HELZ: variants seen among roughly 807,000 people sequenced by gnomAD.
HELZ encodes helicase with zinc finger, also known as ATP-dependent RNA helicase with zinc finger domain.
HELZ carries 23 observed loss-of-function variants against 218.2 expected under a neutral mutation model. The observed-to-expected ratio is 0.11, with a 90% CI of 0.08 to 0.15. HELZ has a LOEUF of 0.15. Among genes scored for constraint, HELZ ranks in the 10% least tolerant of loss-of-function variants. The pLI, the probability that HELZ is intolerant of heterozygous loss-of-function variation, is 1.00. For missense variants in HELZ, 1,813 were observed against 2,353.7 expected (o/e 0.77, Z 4.75); for synonymous variants, 814 against 829.4 (o/e 0.98, Z 0.32).
At chr17:67,160,154 T>G (rs943091021) in intron 17 of HELZ, 107 bp downstream of exon 17, 18 of 680,930 alleles carry the variant, frequency 2.6e-5, no homozygotes, top group African/African-American at 2.6e-4. Flanking sequence ...TAAATGTCAA[T>G]GCATAAAGAC....
chr17:67,128,382 G>A, intron 24 of HELZ: 1 of 452,900 alleles, frequency 2.2e-6, no homozygotes, highest in Non-Finnish European at 4.0e-6. Context: ...TCAGTAGAGA[G>A]GATTAGAAGG....
chr17:67,137,393 T>A (rs2038187073), intron 22 of HELZ, among the ~76,000 whole-genome samples: 1 of 152,234 alleles, frequency 6.6e-6, no homozygotes, highest in Non-Finnish European at 1.5e-5. Flanking sequence ...AACTATTTTT[T>A]GCCCATGCTC....
chr17:67,089,698 G>GAGAGAGAC (rs1379133150), intron 31 of HELZ, among the ~76,000 whole-genome samples: 4 of 139,506 alleles, frequency 2.9e-5, no homozygotes, highest in African/African-American at 8.4e-5. Flanking sequence ...GAGAGAGAGA[G>GAGAGAGAC]AGACAGAGAG....
chr17:67,117,469 G>C (rs2037461585), intron 27 of HELZ, among the ~76,000 whole-genome samples: 1 of 151,478 alleles, frequency 6.6e-6, no homozygotes, highest in Non-Finnish European at 1.5e-5. Context: ...TATTACTGAA[G>C]AGAAAAATTA....
Position 67,089,694 on chromosome 17 carries a change from G to GAGAGAC in HELZ, c.5242-2614_5242-2613insGTCTCT, listed in dbSNP as rs1555595478. Among the ~76,000 whole-genome samples, 372 of 100,656 alleles carry GAGAGAC rather than the reference G, an allele frequency of 3.7e-3. 4 individuals are homozygous for GAGAGAC. Among genetic ancestry groups the GAGAGAC allele is most frequent in the East Asian group, 0.018 (40 of 2,218 alleles). The allele number at this position is 100,656 out of a possible 152,430, so 66.0% of individuals were successfully genotyped here. On this transcript the variant is annotated intron_variant, in intron 31 of 32. Coordinates refer to ENST00000358691, the MANE Select transcript of HELZ (RefSeq NM_014877.4). Reference sequence around the variant, plus strand: ...AGAGAGAGAGAGAGAGAGAGAGAGAGAGAGAGACAGAGAGACAGAGAGAGA... The same window carrying GAGAGAC: ...AGAGAGAGAGAGAGAGAGAGAGAGAGAGAGACAGAGAGACAGAGAGACAGAGAGAGA...
At chr17:67,155,395 G>C (rs896378975) in intron 17 of HELZ, among the ~76,000 whole-genome samples, 1 of 152,220 alleles carries the variant, frequency 6.6e-6, no homozygotes, top group South Asian at 2.1e-4. Context: ...GTTGTGGCAG[G>C]TATTTACAGG....
chr17:67,072,468 G>A lies in HELZ; in HGVS notation c.*5784C>T, dbSNP rs1427719806. Reference sequence around the variant, plus strand: ...CGATACATGCTAGGTGCACTCTCATGGCATTCTGATGGCTTCTTTCCAGGA... The same window carrying A: ...CGATACATGCTAGGTGCACTCTCATAGCATTCTGATGGCTTCTTTCCAGGA... On this transcript the variant is annotated 3_prime_UTR_variant, in exon 33 of 33. Transcript: ENST00000358691. 1 of 152,680 alleles carries A rather than the reference G, an allele frequency of 6.5e-6. No homozygotes were observed. Among genetic ancestry groups the A allele is most frequent in the East Asian group, 1.9e-4 (1 of 5,194 alleles). The allele number at this position is 152,680 out of a possible 1,614,324, so 9.5% of individuals were successfully genotyped here.
chr17:67,179,170 C>T (rs1455228870), intron 12 of HELZ, among the ~76,000 whole-genome samples: 1 of 151,756 alleles, frequency 6.6e-6, no homozygotes, highest in Non-Finnish European at 1.5e-5. Flanking sequence ...CAGGCTAGGA[C>T]ATACTAGAAA....
At chr17:67,142,957 C>A (rs1322086157) in intron 21 of HELZ, among the ~76,000 whole-genome samples, 1 of 151,888 alleles carries the variant, frequency 6.6e-6, no homozygotes, top group East Asian at 1.9e-4. Flanking sequence ...GACGGGGTTT[C>A]ACCATGTTGC....
At chr17:67,094,702 A>T (rs2036689129) in intron 31 of HELZ, among the ~76,000 whole-genome samples, 2 of 152,142 alleles carry the variant, frequency 1.3e-5, no homozygotes, top group Admixed American at 6.5e-5. Context: ...AAGAGGGAGG[A>T]TCATTTGAGC....
intron 4 of HELZ, among the ~76,000 whole-genome samples, chr17:67,216,848 G>A (rs955375684): frequency 6.6e-6 from 1 of 151,900 alleles, no homozygotes; most frequent in African/African-American, 2.4e-5. Context: ...CGGCTACCAG[G>A]ACTCCTTCCT....
At chr17:67,097,946 T>C (rs1368794270) in intron 31 of HELZ, among the ~76,000 whole-genome samples, 2 of 152,240 alleles carry the variant, frequency 1.3e-5, no homozygotes, top group African/African-American at 4.8e-5. Context: ...ATTTCTGATA[T>C]TTGAGATCTC....
chr17:67,108,724 G>A lies in HELZ; in HGVS notation c.4492C>T (p.Arg1498Cys). 5 of 1,561,758 alleles carry A rather than the reference G, an allele frequency of 3.2e-6. No homozygotes were observed. The highest frequency in any genetic ancestry group is 1.2e-5 in the South Asian group (1 of 84,050). The change falls in exon 30 of 33, where the codon CGT becomes TGT. Residue 1498 changes from arginine (R) to cysteine (C), a missense_variant and splice_region_variant. Physicochemically the swap from Arg to Cys is radical, Grantham distance 180. Around this residue, in one of 4 missense-constraint regions of HELZ, gnomAD observed 938 missense variants for 1,027.5 expected, o/e 0.91. Coordinates refer to ENST00000358691, the MANE Select transcript of HELZ (RefSeq NM_014877.4). This position sits in a 1 kb window ranked among gnomAD's most constrained non-coding sequence, Gnocchi z 4.1. ...SGLPIGEALD[R>C]IHGSVALETL... ...TCCAGAGCGACACTCCCATGTATAC[G>A]ATCTGCAAAAATATTTGTGAAAAAT...
intron 15 of HELZ, among the ~76,000 whole-genome samples, chr17:67,165,963 T>C (rs548492719): frequency 1.3e-5 from 2 of 152,054 alleles, no homozygotes; most frequent in Non-Finnish European, 2.9e-5. Context: ...AAGAACCTTG[T>C]CTACAAAAAA....
At chr17:67,208,519 C>T (rs2040365018) in intron 5 of HELZ, among the ~76,000 whole-genome samples, 1 of 151,880 alleles carries the variant, frequency 6.6e-6, no homozygotes, top group South Asian at 2.1e-4. Context: ...TCCTGTTAAC[C>T]TATAATTATT....
chr17:67,093,121 T>TA (rs1257246387), intron 31 of HELZ, among the ~76,000 whole-genome samples: 1 of 152,176 alleles, frequency 6.6e-6, no homozygotes, highest in Non-Finnish European at 1.5e-5. Flanking sequence ...TAGTTCTTAT[T>TA]AAAAATCAAA....
intron 31 of HELZ, among the ~76,000 whole-genome samples, chr17:67,105,135 AAAAC>A (rs1465795155): frequency 7.2e-5 from 11 of 152,338 alleles, no homozygotes; most frequent in African/African-American, 2.4e-4. Context: ...TCCGTGTCAA[AAAAC>A]AAACAAACAA....
Position 67,114,358 on chromosome 17 carries a change from C to A in HELZ, c.3884G>T (p.Arg1295Leu). 1.2e-6 allele frequency: 2 copies of A among 1,611,308 alleles called. No homozygotes were observed. The highest frequency in any genetic ancestry group is 1.7e-6 in the Non-Finnish European group (2 of 1,177,656). The change falls in exon 28 of 33, where the codon CGA becomes CTA. Residue 1295 changes from arginine to leucine, a missense_variant. Around this residue, in one of 4 missense-constraint regions of HELZ, gnomAD observed 938 missense variants for 1,027.5 expected, o/e 0.91. Coordinates refer to ENST00000358691, the MANE Select transcript of HELZ (RefSeq NM_014877.4). ...TTCTGTTGGCTTTTTCTCTGGTGTTCGAATCTTATTAATTTCAGGTCCGGA... is the reference window on the plus strand; with the variant it reads ...TTCTGTTGGCTTTTTCTCTGGTGTTAGAATCTTATTAATTTCAGGTCCGGA... Reference protein sequence around the residue: ...NNSGPEINKIRTPEKKPTEPK... With the variant: ...NNSGPEINKILTPEKKPTEPK...
intron 5 of HELZ, among the ~76,000 whole-genome samples, chr17:67,212,787 AT>A (rs1292796557): frequency 1.3e-5 from 2 of 152,172 alleles, no homozygotes; most frequent in Non-Finnish European, 2.9e-5. Flanking sequence ...CAGCACTGCA[AT>A]GAACACCACT....
Sources: allele counts gnomAD v4.1 joint callset (sites outside exome capture counted in the v4.1 genomes callset), GRCh38; gene constraint gnomAD v4.1.1; regional missense constraint gnomAD v4.1.1; non-coding constraint Gnocchi (gnomAD v3.1); transcripts MANE v1.5; gene names NCBI Gene and HGNC (gene_info 2026-07-23, HGNC 2026-07-21).